Variants in SUPT5H observed in about 807,000 individuals in gnomAD.
The protein encoded by SUPT5H is SPT5 homolog, DSIF elongation factor subunit.
A neutral mutation model predicts 142.5 loss-of-function variants in SUPT5H; 24 were observed. That is an observed-to-expected ratio of 0.17 (90% CI 0.12 to 0.24). SUPT5H has a LOEUF of 0.24. Among genes scored for constraint, SUPT5H ranks in the 10% least tolerant of loss-of-function variants. The pLI is 1.00. For missense variants in SUPT5H, 893 were observed against 1,471.8 expected (o/e 0.61, Z 6.43); for synonymous variants, 546 against 553.0 (o/e 0.99, Z 0.18).
At chr19:39,465,405 A>G (rs1212661934) in intron 11 of SUPT5H, among the ~76,000 whole-genome samples, 1 of 152,168 alleles carries the variant, frequency 6.6e-6, no homozygotes, top group African/African-American at 2.4e-5. Context: ...GGCCCATTGG[A>G]GAGCTTTGGT....
At chr19:39,463,200 C>T (rs1435140212) in intron 10 of SUPT5H, among the ~76,000 whole-genome samples, 1 of 150,230 alleles carries the variant, frequency 6.7e-6, no homozygotes, top group East Asian at 2.0e-4. Context: ...CAAGGTTTCA[C>T]CATGTTGGCC....
Position 39,457,593 on chromosome 19 carries a change from A to G in SUPT5H, c.242-82A>G, listed in dbSNP as rs2079106556. 8 of 1,566,392 alleles carry G rather than the reference A, an allele frequency of 5.1e-6. No individual in the cohort carries two copies. The South Asian group carries it at 8.5e-5, about 17-fold the overall frequency. The stretch of plus-strand genomic sequence containing the variant: ...TGTGCGGTGGGGATTTGTAGTGCAC[A>G]TCTCCCAGAGGAGATGCTTCGTGTC... On this transcript the variant is annotated intron_variant, in intron 3 of 29. Coordinates refer to ENST00000432763, the MANE Select transcript of SUPT5H (RefSeq NM_001111020.3).
At chr19:39,446,105 T>G in intron 2 of SUPT5H, 140 bp downstream of exon 2, 1 of 975,198 alleles carries the variant, frequency 1.0e-6, no homozygotes, top group Non-Finnish European at 1.5e-6. Context: ...GATAGAGAAT[T>G]AGGCAAGTCG....
intron 10 of SUPT5H, among the ~76,000 whole-genome samples, chr19:39,460,518 A>G (rs2079147039): frequency 6.6e-6 from 1 of 152,154 alleles, no homozygotes; most frequent in African/African-American, 2.4e-5. Context: ...CAGGCAGATC[A>G]CTTGAGGTCA....
chr19:39,466,383 T>C lies in SUPT5H; in HGVS notation c.877-97T>C. The C allele has an allele frequency of 8.6e-7, 1 of 1,157,074 alleles. No individual in the cohort carries two copies. The highest frequency in any genetic ancestry group is 1.3e-6 in the Non-Finnish European group (1 of 779,536). The allele number at this position is 1,157,074 out of a possible 1,614,324, so 71.7% of individuals were successfully genotyped here. On this transcript the variant is annotated intron_variant, in intron 11 of 29. Transcript: ENST00000432763. The surrounding 1 kb of genome is among the most constrained non-coding windows in gnomAD (Gnocchi z 4.3). Reference sequence around the variant, plus strand: ...CAGCCTGGTTTCTTCCCCACCATCCTGCGTCCCTTCTCCTTCCTAGCATCT... The same window carrying C: ...CAGCCTGGTTTCTTCCCCACCATCCCGCGTCCCTTCTCCTTCCTAGCATCT...
At chr19:39,457,815 G>A (rs763774325) in intron 4 of SUPT5H, 75 bp downstream of exon 4, 22 of 1,600,332 alleles carry the variant, frequency 1.4e-5, no homozygotes, top group Admixed American at 6.8e-5. Context: ...CCATTCCCCC[G>A]ACCCCCGCAT....
intron 11 of SUPT5H, 124 bp downstream of exon 11, chr19:39,465,173 A>C: frequency 7.1e-7 from 1 of 1,400,322 alleles, no homozygotes; most frequent in Non-Finnish European, 9.7e-7. Context: ...GAGTTGAAGC[A>C]GAGCCTGGGT....
At position 39,472,397 on chromosome 19, in the gene SUPT5H, C is replaced by A. The variant is rs551976716; in HGVS notation, c.1951-12C>A. The A allele has an allele frequency of 1.9e-6, 3 of 1,613,820 alleles. No homozygotes were observed. Among genetic ancestry groups the A allele is most frequent in the Non-Finnish European group, 2.5e-6 (3 of 1,179,806 alleles). On this transcript the variant is annotated splice_polypyrimidine_tract_variant and intron_variant, in intron 20 of 29. Transcript: ENST00000432763. This position sits in a 1 kb window ranked among gnomAD's most constrained non-coding sequence, Gnocchi z 4.2. ...CCCCTGCCTGCCAGTTCACTCCTTG[C>A]TTCTATCCTAGCCCCGTGATGTGAC...
rs1459851735 is a variant in SUPT5H, at chr19:39,474,103, C to T, written c.2633C>T (p.Thr878Met). The T allele has an allele frequency of 8.8e-6, 14 of 1,599,134 alleles. No individual in the cohort carries two copies. Among genetic ancestry groups the T allele is most frequent in the Admixed American group, 1.7e-5 (1 of 59,008 alleles). Residue 878 changes from threonine to methionine, a missense_variant, in exon 26 of 30, where the codon ACG becomes ATG. This residue lies in a region of SUPT5H where 336 missense variants were observed against 546.5 expected (regional missense o/e 0.61). Coordinates refer to ENST00000432763, the MANE Select transcript of SUPT5H (RefSeq NM_001111020.3). This position sits in a 1 kb window ranked among gnomAD's most constrained non-coding sequence, Gnocchi z 6.5. Reference sequence around the variant, plus strand: ...GTCAACCCACAATACAACCCGCAGACGCCAGGGACGCCGGCCATGTGAGTC... The same window carrying T: ...GTCAACCCACAATACAACCCGCAGATGCCAGGGACGCCGGCCATGTGAGTC... ...PQVNPQYNPQ[T>M]PGTPAMYNTD...
At chr19:39,452,882 G>A (rs543859374) in intron 2 of SUPT5H, among the ~76,000 whole-genome samples, 27 of 151,964 alleles carry the variant, frequency 1.8e-4, no homozygotes, top group Admixed American at 1.2e-3. Context: ...GTGTGGTGGC[G>A]CACACCTGTA....
At chr19:39,446,494 T>C (rs966660995) in intron 2 of SUPT5H, among the ~76,000 whole-genome samples, 7 of 152,068 alleles carry the variant, frequency 4.6e-5, no homozygotes, top group African/African-American at 1.7e-4. Flanking sequence ...GGGGTGACAT[T>C]TGAGCAAAAA....
Position 39,459,948 on chromosome 19 carries a change from G to C in SUPT5H, c.612G>C (p.Gln204His). ...ISLMRKFIAY[Q>H]FTDTPLQIKS... ...TGATGCGCAAGTTCATTGCCTACCA[G>C]TTCACAGACACGGTAAGTCGGGTAG... Residue 204 changes from glutamine to histidine, a missense_variant, in exon 10 of 30, where the codon CAG becomes CAC. Physicochemically the swap from Gln to His is conservative, Grantham distance 24. This residue lies in a region of SUPT5H where 428 missense variants were observed against 763.5 expected (regional missense o/e 0.56). Coordinates refer to ENST00000432763, the MANE Select transcript of SUPT5H (RefSeq NM_001111020.3). 1.9e-6 allele frequency: 3 copies of C among 1,614,138 alleles called. No individual in the cohort carries two copies. The highest frequency in any genetic ancestry group is 1.1e-5 in the South Asian group (1 of 91,076).
intron 3 of SUPT5H, among the ~76,000 whole-genome samples, chr19:39,457,027 C>T (rs576734432): frequency 5.9e-5 from 9 of 152,282 alleles, no homozygotes; most frequent in South Asian, 2.1e-4. Flanking sequence ...GCATGTATTA[C>T]GTTTTTAGTG....
chr19:39,476,176 G>A lies in SUPT5H; in HGVS notation c.3120G>A (p.Lys1040=). 1 of 1,614,102 alleles carries A rather than the reference G, an allele frequency of 6.2e-7. No individual in the cohort carries two copies. The highest frequency in any genetic ancestry group is 2.2e-5 in the East Asian group (1 of 44,872). Residue 1040 remains lysine, a splice_region_variant and synonymous_variant, in exon 29 of 30, where the codon AAG becomes AAA. Coordinates refer to ENST00000432763, the MANE Select transcript of SUPT5H (RefSeq NM_001111020.3). ...LEPITPTKNN[K]VKVILGEDRE... is the part of the protein sequence containing the mutation. Reference sequence around the variant, plus strand: ...CTATCACCCCCACCAAGAACAACAAGGTAAGGGCAGGGGGCAAGGAGATAA... The same window carrying A: ...CTATCACCCCCACCAAGAACAACAAAGTAAGGGCAGGGGGCAAGGAGATAA...
At chr19:39,452,259 G>A (rs368972150) in intron 2 of SUPT5H, among the ~76,000 whole-genome samples, 7 of 152,242 alleles carry the variant, frequency 4.6e-5, no homozygotes, top group East Asian at 1.9e-4. Context: ...GTGCATGGAG[G>A]TCTTGAGTTC....
chr19:39,463,985 CT>C (rs56190970), intron 10 of SUPT5H, among the ~76,000 whole-genome samples: 3,348 of 135,926 alleles, frequency 0.025, 30 homozygotes, highest in Admixed American at 0.033. Context: ...CTTCTAGTTG[CT>C]TTTTTTTTTT....
intron 28 of SUPT5H, 181 bp from the exon 29 acceptor site, chr19:39,475,900 C>G (rs1239582616): frequency 1.7e-6 from 1 of 604,226 alleles, no homozygotes; most frequent in East Asian, 2.8e-5. Context: ...TTGGGTCACC[C>G]TGTCCACCCT....
chr19:39,466,984 C>T lies in SUPT5H; in HGVS notation c.1037+239C>T. The T allele has an allele frequency of 3.8e-6, 2 of 524,868 alleles. No individual in the cohort carries two copies. Among genetic ancestry groups the T allele is most frequent in the Non-Finnish European group, 6.8e-6 (2 of 294,784 alleles). The allele number at this position is 524,868 out of a possible 1,614,324, so 32.5% of individuals were successfully genotyped here. ...CACTTTGGAAGGCTAAGGCAGGAGG[C>T]TTGCTTGAGGCAAGGAGTTCGAGAC... On this transcript the variant is annotated intron_variant, in intron 13 of 29. Transcript: ENST00000432763. The surrounding 1 kb of genome is among the most constrained non-coding windows in gnomAD (Gnocchi z 4.3).
At position 39,473,577 on chromosome 19, in the gene SUPT5H, C is replaced by T. The variant is rs2079356611; in HGVS notation, c.2492+56C>T. 1.3e-6 allele frequency: 2 copies of T among 1,550,574 alleles called. No homozygotes were observed. Among genetic ancestry groups the T allele is most frequent in the East Asian group, 2.3e-5 (1 of 44,242 alleles). The stretch of plus-strand genomic sequence containing the variant: ...GTGCTGGTGTGTGTGAGGGATGATG[C>T]TGGGTGTCTGGGGCATTGGAGGGGT... On this transcript the variant is annotated intron_variant, in intron 25 of 29. Transcript: ENST00000432763. This position sits in a 1 kb window ranked among gnomAD's most constrained non-coding sequence, Gnocchi z 5.8.
Sources: gnomAD v4.1 joint callset for allele counts (sites outside exome capture counted in the v4.1 genomes callset) on GRCh38, gnomAD v4.1.1 for gene constraint, gnomAD v4.1.1 regional missense constraint, Gnocchi (gnomAD v3.1) non-coding constraint, MANE v1.5 for transcripts, NCBI Gene and HGNC (gene_info 2026-07-23, HGNC 2026-07-21) for gene names.